Variants in PLEKHF2 observed in about 807,000 individuals in gnomAD.
PLEKHF2 encodes pleckstrin homology domain-containing family F member 2.
PLEKHF2 carries 4 observed loss-of-function variants against 14.7 expected under a neutral mutation model. The ratio of observed to expected loss-of-function variants is 0.27; its 90% CI spans 0.13 to 0.62. PLEKHF2 has a LOEUF of 0.62. PLEKHF2 is among the 20% of genes least tolerant of loss of function. PLEKHF2 has a pLI of 0.85. For missense variants in PLEKHF2, 201 were observed against 307.7 expected, an observed-to-expected ratio of 0.65 and a Z score of 2.60; for synonymous variants, 90 against 103.5, an observed-to-expected ratio of 0.87 and a Z score of 0.79.
intron 1 of PLEKHF2, among the ~76,000 whole-genome samples, chr8:95,153,750 G>A (rs967528750): frequency 5.8e-4 from 88 of 152,192 alleles, no homozygotes; most frequent in African/African-American, 1.9e-3. Context: ...TTATCCAATC[G>A]TCTTTCATTC....
rs1402220606 is a variant in PLEKHF2, at chr8:95,155,240, C to T, written c.*446C>T. Reference sequence around the variant, plus strand: ...GGTTAAGACACCAGTAACAAAAACACATGATTTGGAAATACTTTGGCTTTT... The same window carrying T: ...GGTTAAGACACCAGTAACAAAAACATATGATTTGGAAATACTTTGGCTTTT... On this transcript the variant is annotated 3_prime_UTR_variant, in exon 2 of 2. Coordinates refer to ENST00000315367, the MANE Select transcript of PLEKHF2 (RefSeq NM_024613.4). 1 of 177,586 alleles carries T rather than the reference C, an allele frequency of 5.6e-6. No individual in the cohort carries two copies. Among genetic ancestry groups the T allele is most frequent in the African/African-American group, 2.4e-5 (1 of 41,562 alleles). 11.0% of individuals were successfully genotyped at this position (177,586 alleles called of 1,614,324 possible). A position where few individuals can be genotyped will look rare whatever the true frequency, so the allele number is the denominator to read the frequency against.
At chr8:95,152,029 C>T (rs940968594) in intron 1 of PLEKHF2, among the ~76,000 whole-genome samples, 1 of 152,054 alleles carries the variant, frequency 6.6e-6, no homozygotes, top group Non-Finnish European at 1.5e-5. Context: ...GTTTAATTGG[C>T]AACATTTTTC....
chr8:95,153,860 T>C (rs1810587232), intron 1 of PLEKHF2, among the ~76,000 whole-genome samples, 171 bp from the exon 2 acceptor site: 2 of 152,158 alleles, frequency 1.3e-5, no homozygotes, highest in Non-Finnish European at 2.9e-5. Context: ...ATTTTAAAAA[T>C]TGAGAAATGT....
In PLEKHF2 at chr8:95,154,914, G is replaced by A; in HGVS notation, c.*120G>A. On this transcript the variant is annotated 3_prime_UTR_variant, in exon 2 of 2. Coordinates refer to ENST00000315367, the MANE Select transcript of PLEKHF2 (RefSeq NM_024613.4). The surrounding 1 kb of genome is among the most constrained non-coding windows in gnomAD (Gnocchi z 5.6). ...AGCCATGAATTTGCCTGAGAAACTT[G>A]TAACCTATGTGCCTCAATATATTCC... The A allele has an allele frequency of 2.4e-6, 3 of 1,225,464 alleles. No individual in the cohort carries two copies. The highest frequency in any genetic ancestry group is 3.4e-6 in the Non-Finnish European group (3 of 874,894). The allele number at this position is 1,225,464 out of a possible 1,614,324, so 75.9% of individuals were successfully genotyped here.
intron 1 of PLEKHF2, among the ~76,000 whole-genome samples, chr8:95,149,370 CTATT>C (rs1810534166): frequency 6.6e-6 from 1 of 151,984 alleles, no homozygotes; most frequent in Admixed American, 6.6e-5. Flanking sequence ...TTGGAATTAC[CTATT>C]TATTTATTTA....
At chr8:95,152,842 T>A (rs771223924) in intron 1 of PLEKHF2, among the ~76,000 whole-genome samples, 1 of 152,162 alleles carries the variant, frequency 6.6e-6, no homozygotes, top group Non-Finnish European at 1.5e-5. Context: ...ACTTACATAC[T>A]ATGCTGTTAG....
At chr8:95,142,972 G>A (rs981442109) in intron 1 of PLEKHF2, among the ~76,000 whole-genome samples, 3 of 152,136 alleles carry the variant, frequency 2.0e-5, no homozygotes, top group African/African-American at 2.4e-5. Context: ...TCAAGATTGG[G>A]AGCTGCTGCC....
At chr8:95,139,314 G>A (rs778968191) in intron 1 of PLEKHF2, among the ~76,000 whole-genome samples, 1 of 152,180 alleles carries the variant, frequency 6.6e-6, no homozygotes, top group Non-Finnish European at 1.5e-5. Context: ...TTTGAGACCA[G>A]CCTGGGCAAC....
Position 95,155,048 on chromosome 8 carries a change from A to G in PLEKHF2, c.*254A>G, listed in dbSNP as rs538525144. 150 of 441,582 alleles carry G rather than the reference A, an allele frequency of 3.4e-4. 1 individual carries two copies. Among genetic ancestry groups the G allele is most frequent in the African/African-American group, 2.8e-3 (144 of 50,806 alleles). The allele number at this position is 441,582 out of a possible 1,614,324, so 27.4% of individuals were successfully genotyped here. A position where few individuals can be genotyped will look rare whatever the true frequency, so the allele number is the denominator to read the frequency against. ...TTTGTTTCTTGTTTATTTTTAGGTT[A>G]TTTTCTTGGAAGGTTGGGAAAAGAT... On this transcript the variant is annotated 3_prime_UTR_variant, in exon 2 of 2. Coordinates refer to ENST00000315367, the MANE Select transcript of PLEKHF2 (RefSeq NM_024613.4).
chr8:95,150,672 A>AC (rs1268678591), intron 1 of PLEKHF2, among the ~76,000 whole-genome samples: 2 of 152,122 alleles, frequency 1.3e-5, no homozygotes, highest in Non-Finnish European at 2.9e-5. Flanking sequence ...TTATCAAGAC[A>AC]CCAGCTGGGT....
At position 95,156,611 on chromosome 8, in the gene PLEKHF2, A is replaced by T. The variant is rs79037660; in HGVS notation, c.*1817A>T. Reference sequence around the variant, plus strand: ...CTAGCAAATTCAGGAACCAAGGGGAAATGTTGTGAGATAACATTTACATTG... The same window carrying T: ...CTAGCAAATTCAGGAACCAAGGGGATATGTTGTGAGATAACATTTACATTG... On this transcript the variant is annotated 3_prime_UTR_variant, in exon 2 of 2. Transcript: ENST00000315367. 7.2e-5 allele frequency: 12 copies of T among 167,228 alleles called. No homozygotes were observed. In the East Asian group the frequency reaches 2.1e-3, roughly 30 times the overall value. 10.4% of individuals were successfully genotyped at this position (167,228 alleles called of 1,614,324 possible).
Position 95,154,831 on chromosome 8 carries a change from C to G in PLEKHF2, c.*37C>G, listed in dbSNP as rs760983767. On this transcript the variant is annotated 3_prime_UTR_variant, in exon 2 of 2. Transcript: ENST00000315367. This position sits in a 1 kb window ranked among gnomAD's most constrained non-coding sequence, Gnocchi z 5.6. ...GGAGTATTTAATCAGGTGTGGCTATCTGAGAAATCAACTTTGGGGGAAATG... is the reference window on the plus strand; with the variant it reads ...GGAGTATTTAATCAGGTGTGGCTATGTGAGAAATCAACTTTGGGGGAAATG... 89 of 1,592,400 alleles carry G rather than the reference C, an allele frequency of 5.6e-5. 1 individual carries two copies. The South Asian group carries it at 9.6e-4, about 17-fold the overall frequency.
intron 1 of PLEKHF2, 60 bp from the exon 2 acceptor site, chr8:95,153,971 A>ATT: frequency 8.1e-7 from 1 of 1,239,116 alleles, no homozygotes. Context: ...ATTTATATAT[A>ATT]ATTAACTTAT....
At chr8:95,145,478 C>T (rs1238231750) in intron 1 of PLEKHF2, among the ~76,000 whole-genome samples, 1 of 150,788 alleles carries the variant, frequency 6.6e-6, no homozygotes, top group African/African-American at 2.4e-5. Context: ...GTTGCTCTGT[C>T]ACCGAGGCTC....
intron 1 of PLEKHF2, among the ~76,000 whole-genome samples, chr8:95,150,736 A>G (rs13263827): frequency 0.15 from 23,506 of 152,142 alleles, 2,008 homozygotes; most frequent in Non-Finnish European, 0.18. Context: ...GTATTCCCTT[A>G]TCTTCAGTAT....
chr8:95,145,988 T>C (rs1452181910), intron 1 of PLEKHF2, among the ~76,000 whole-genome samples: 1 of 152,246 alleles, frequency 6.6e-6, no homozygotes. Context: ...CATTCTCCAG[T>C]TGCTTGTTAG....
chr8:95,140,615 G>C (rs76994340), intron 1 of PLEKHF2, among the ~76,000 whole-genome samples: 4,262 of 152,038 alleles, frequency 0.028, 204 homozygotes, highest in African/African-American at 0.098. Flanking sequence ...TTCCTCTCTG[G>C]GGGAATAGTC....
At position 95,150,571 on chromosome 8, in the gene PLEKHF2, C is replaced by G. The variant is rs117484587; in HGVS notation, c.-14-3460C>G. 3.6e-3 allele frequency among the ~76,000 whole-genome samples: 555 copies of G among 152,180 alleles called. 6 individuals carry two copies. The highest frequency in any genetic ancestry group is 2.2e-3 in the Non-Finnish European group (147 of 67,982). ...AATACTAATTAATAATGCCCCAAAC[C>G]TTGCTTAAGTTGCATCATTATTAAA... On this transcript the variant is annotated intron_variant, in intron 1 of 1. Coordinates refer to ENST00000315367, the MANE Select transcript of PLEKHF2 (RefSeq NM_024613.4).
chr8:95,142,498 G>A (rs1392405729), intron 1 of PLEKHF2, among the ~76,000 whole-genome samples: 1 of 152,156 alleles, frequency 6.6e-6, no homozygotes, highest in Non-Finnish European at 1.5e-5. Flanking sequence ...CAAGGGATCT[G>A]CCTGCCACGG....
Sources: allele counts gnomAD v4.1 joint callset (sites outside exome capture counted in the v4.1 genomes callset), GRCh38; gene constraint gnomAD v4.1.1; non-coding constraint Gnocchi (gnomAD v3.1); transcripts MANE v1.5; gene names NCBI Gene and HGNC (gene_info 2026-07-23, HGNC 2026-07-21).